The following ZNF710 variants were observed in gnomAD, a reference collection of about 807,000 sequenced individuals.
ZNF710 encodes the protein zinc finger protein 710.
ZNF710 carries 13 observed loss-of-function variants against 50.6 expected under a neutral mutation model. The observed-to-expected ratio is 0.26, with a 90% CI of 0.17 to 0.41. The LOEUF is 0.41. Among genes scored for constraint, ZNF710 ranks in the 10% least tolerant of loss-of-function variants. The pLI is 1.00. For synonymous variants in ZNF710, 383 were observed against 397.0 expected, an observed-to-expected ratio of 0.96 and a Z score of 0.42; for missense variants, 721 against 936.6, an observed-to-expected ratio of 0.77 and a Z score of 3.01.
At position 90,067,506 on chromosome 15, in the gene ZNF710, G is replaced by A; in HGVS notation, c.369G>A (p.Glu123=). 1 of 1,613,664 alleles carries A rather than the reference G, an allele frequency of 6.2e-7. No individual in the cohort carries two copies. The highest frequency in any genetic ancestry group is 1.1e-5 in the South Asian group (1 of 91,040). ...KVEEEEQEVY[E]VSVPGDDKDA... is the part of the protein sequence containing the mutation. The stretch of plus-strand genomic sequence containing the variant: ...AGGAGGAGGAACAGGAGGTCTATGA[G>A]GTTTCTGTGCCAGGTGACGACAAGG... The change falls in exon 2 of 5, where the codon GAG becomes GAA. Residue 123 remains glutamate, a synonymous_variant. Coordinates refer to ENST00000268154, the MANE Select transcript of ZNF710 (RefSeq NM_198526.4). This position sits in a 1 kb window ranked among gnomAD's most constrained non-coding sequence, Gnocchi z 8.1.
chr15:90,001,688 G>A (rs912353308), intron 1 of ZNF710, 74 bp downstream of exon 1: 1 of 144,110 alleles, frequency 6.9e-6, no homozygotes, highest in Non-Finnish European at 1.5e-5. Flanking sequence ...GCCGGCGGGG[G>A]CGCGGGGGGC....
Position 90,068,027 on chromosome 15 carries a change from G to A in ZNF710, c.890G>A (p.Cys297Tyr). The change falls in exon 2 of 5, where the codon TGC (cysteine) becomes TAC (tyrosine). Residue 297 changes from cysteine (C) to tyrosine (Y), a missense_variant. Cys to Tyr is a radical substitution (Grantham distance 194). Around this residue, in one of 3 missense-constraint regions of ZNF710, gnomAD observed 326 missense variants for 522.0 expected, o/e 0.62. Transcript: ENST00000268154. The surrounding 1 kb of genome is among the most constrained non-coding windows in gnomAD (Gnocchi z 5.0). The stretch of plus-strand genomic sequence containing the variant: ...GGCGACCGCCAGAAGCGCTGGCAGT[G>A]CCGCATGTGCGAGAAGTCCTACACG... ...EAGDRQKRWQ[C>Y]RMCEKSYTSK... is the part of the protein sequence containing the mutation. 1 of 1,614,212 alleles carries A rather than the reference G, an allele frequency of 6.2e-7. No individual in the cohort carries two copies. The highest frequency in any genetic ancestry group is 8.5e-7 in the Non-Finnish European group (1 of 1,180,034).
intron 1 of ZNF710, among the ~76,000 whole-genome samples, chr15:90,065,252 C>T (rs1188154217): frequency 5.3e-5 from 8 of 152,142 alleles, no homozygotes; most frequent in African/African-American, 1.2e-4. Context: ...ACGCCTTGCC[C>T]GGAGCCGGTT....
intron 1 of ZNF710, among the ~76,000 whole-genome samples, chr15:90,046,828 G>A (rs1899477861): frequency 6.6e-6 from 1 of 152,178 alleles, no homozygotes; most frequent in Non-Finnish European, 1.5e-5. Context: ...AAGGTAGCAG[G>A]GAGTCTGCTT....
chr15:90,002,321 C>T (rs1181726306), intron 1 of ZNF710, among the ~76,000 whole-genome samples: 3 of 136,346 alleles, frequency 2.2e-5, no homozygotes, highest in Admixed American at 8.3e-5. Flanking sequence ...GGATCTCCGC[C>T]GGGACAGCGT....
chr15:90,018,170 CT>C (rs5814406), intron 1 of ZNF710, among the ~76,000 whole-genome samples: 53,647 of 127,942 alleles, frequency 0.42, 9,393 homozygotes, highest in Non-Finnish European at 0.49. Context: ...TTTCTTTTTT[CT>C]TTTTTTTTTT....
At chr15:90,009,748 A>G (rs1898248153) in intron 1 of ZNF710, among the ~76,000 whole-genome samples, 1 of 151,880 alleles carries the variant, frequency 6.6e-6, no homozygotes, top group Non-Finnish European at 1.5e-5. Flanking sequence ...AGGATTTCAC[A>G]AAGAAGAGTC....
intron 1 of ZNF710, among the ~76,000 whole-genome samples, chr15:90,010,053 T>C (rs1898257722): frequency 6.6e-6 from 1 of 152,184 alleles, no homozygotes; most frequent in African/African-American, 2.4e-5. Context: ...TCTGTTTTTT[T>C]GTACCATTCT....
intron 1 of ZNF710, among the ~76,000 whole-genome samples, chr15:90,030,251 C>T (rs549029991): frequency 2.5e-4 from 33 of 134,606 alleles, no homozygotes; most frequent in Middle Eastern, 4.2e-3. Flanking sequence ...ATCACTGGAA[C>T]CTGGGAGGCA....
At chr15:90,042,640 G>A (rs1017755482) in intron 1 of ZNF710, among the ~76,000 whole-genome samples, 2 of 152,186 alleles carry the variant, frequency 1.3e-5, no homozygotes, top group African/African-American at 4.8e-5. Context: ...GTCATGACTC[G>A]CTAGGTACTG....
At chr15:90,005,828 G>A (rs576868105) in intron 1 of ZNF710, among the ~76,000 whole-genome samples, 1 of 152,298 alleles carries the variant, frequency 6.6e-6, no homozygotes, top group South Asian at 2.1e-4. Flanking sequence ...ATTATGCTAC[G>A]TGCTTTGTGT....
chr15:90,066,450 CAT>C (rs754530931), intron 1 of ZNF710, among the ~76,000 whole-genome samples: 7 of 146,616 alleles, frequency 4.8e-5, no homozygotes, highest in Non-Finnish European at 9.0e-5. Flanking sequence ...TTATTTTTTG[CAT>C]TTTTGAATCC....
intron 1 of ZNF710, among the ~76,000 whole-genome samples, chr15:90,032,700 C>T (rs191528141): frequency 1.3e-5 from 2 of 150,896 alleles, no homozygotes; most frequent in African/African-American, 2.4e-5. Context: ...ATTGCTTGAA[C>T]CCAGGAGGCA....
chr15:90,067,057 C>CT lies in ZNF710; in HGVS notation c.-28-52dup, dbSNP rs1227509444. The CT allele has an allele frequency of 1.3e-6, 2 of 1,505,762 alleles. No individual in the cohort carries two copies. The highest frequency in any genetic ancestry group is 1.8e-6 in the Non-Finnish European group (2 of 1,128,420). 93.3% of individuals were successfully genotyped at this position (1,505,762 alleles called of 1,614,324 possible). A position where few individuals can be genotyped will look rare whatever the true frequency, so the allele number is the denominator to read the frequency against. On this transcript the variant is annotated intron_variant, in intron 1 of 4. Coordinates refer to ENST00000268154, the MANE Select transcript of ZNF710 (RefSeq NM_198526.4). This position sits in a 1 kb window ranked among gnomAD's most constrained non-coding sequence, Gnocchi z 8.1. ...CCCTTGTCTGTGCTGTGTCTGTTGT[C>CT]TGTCTGTGCAGGAGTGAGCCAGCAA...
intron 1 of ZNF710, among the ~76,000 whole-genome samples, chr15:90,045,637 G>T (rs1230141280): frequency 2.0e-5 from 3 of 152,166 alleles, no homozygotes; most frequent in African/African-American, 4.8e-5. Context: ...CAAAGCTCCT[G>T]TGTTTGGCAA....
chr15:90,073,965 G>A (rs1900487765), intron 3 of ZNF710, 151 bp from the exon 4 acceptor site: 1 of 881,414 alleles, frequency 1.1e-6, no homozygotes, highest in Non-Finnish European at 1.6e-6. Flanking sequence ...ACTCCAGCCT[G>A]GACAACAGAG....
rs10162895 is a variant in ZNF710, at chr15:90,046,271, C to T, written c.-28-20839C>T. Among the ~76,000 whole-genome samples the T allele has an allele frequency of 8.3e-3, 1,259 of 152,312 alleles. 19 individuals carry two copies. Among genetic ancestry groups the T allele is most frequent in the African/African-American group, 0.029 (1,208 of 41,552 alleles). On this transcript the variant is annotated intron_variant, in intron 1 of 4. Transcript: ENST00000268154. ...TGTGCCCTTCCTCCTGCGTACCCAG[C>T]TCAGTGCCCAGCCCATAGTAGGCGC...
intron 1 of ZNF710, among the ~76,000 whole-genome samples, chr15:90,058,164 C>G (rs1899884951): frequency 6.6e-6 from 1 of 152,162 alleles, no homozygotes; most frequent in African/African-American, 2.4e-5. Context: ...GCTCTCTCAC[C>G]TGGGAGGGCG....
intron 1 of ZNF710, among the ~76,000 whole-genome samples, chr15:90,015,821 G>C (rs1023463283): frequency 6.6e-6 from 1 of 152,092 alleles, no homozygotes; most frequent in Non-Finnish European, 1.5e-5. Flanking sequence ...ATATTGCCCA[G>C]GCTGGTCTCG....
Sources: allele counts gnomAD v4.1 joint callset (sites outside exome capture counted in the v4.1 genomes callset), GRCh38; gene constraint gnomAD v4.1.1; regional missense constraint gnomAD v4.1.1; non-coding constraint Gnocchi (gnomAD v3.1); transcripts MANE v1.5; gene names NCBI Gene and HGNC (gene_info 2026-07-23, HGNC 2026-07-21).